Variants in PCCA observed in about 807,000 individuals in gnomAD.
The protein encoded by PCCA is propionyl-CoA carboxylase alpha chain, mitochondrial.
PCCA carries 74 observed loss-of-function variants against 101.3 expected under a neutral mutation model. That is an observed-to-expected ratio of 0.73 (90% CI 0.61 to 0.89). The LOEUF is 0.89. Among genes scored for constraint, PCCA ranks in the 40% least tolerant of loss-of-function variants. The probability of loss-of-function intolerance (pLI) is 0.00; values close to 1 mark genes in which losing one functional copy is unlikely to be tolerated. For missense variants in PCCA, 891 were observed against 907.0 expected, an observed-to-expected ratio of 0.98 and a Z score of 0.23; for synonymous variants, 294 against 313.6, an observed-to-expected ratio of 0.94 and a Z score of 0.66.
intron 18 of PCCA, among the ~76,000 whole-genome samples, chr13:100,353,315 T>C (rs916500534): frequency 6.6e-6 from 1 of 152,198 alleles, no homozygotes; most frequent in African/African-American, 2.4e-5. Flanking sequence ...AACAGCAGAA[T>C]ATACCTGTCT....
In PCCA at chr13:100,217,221, T is replaced by C. The variant is rs528301478; in HGVS notation, c.600+7758T>C. Among the ~76,000 whole-genome samples the C allele has an allele frequency of 4.0e-3, 612 of 151,966 alleles. 5 individuals are homozygous for C. Among genetic ancestry groups the C allele is most frequent in the Middle Eastern group, 0.01 (3 of 294 alleles). Reference sequence around the variant, plus strand: ...CAGCACTTTGGGAGGCCGAGGTGGGTGGATCATGAGGTCAGGAGTTCGAGA... The same window carrying C: ...CAGCACTTTGGGAGGCCGAGGTGGGCGGATCATGAGGTCAGGAGTTCGAGA... On this transcript the variant is annotated intron_variant, in intron 7 of 23. Coordinates refer to ENST00000376285, the MANE Select transcript of PCCA (RefSeq NM_000282.4).
At chr13:100,506,237 G>A (rs1306174677) in intron 21 of PCCA, among the ~76,000 whole-genome samples, 1 of 151,960 alleles carries the variant, frequency 6.6e-6, no homozygotes, top group Non-Finnish European at 1.5e-5. Flanking sequence ...CGTGTGTTCT[G>A]TACACAGCAC....
At chr13:100,401,227 T>C (rs1485299713) in intron 19 of PCCA, among the ~76,000 whole-genome samples, 1 of 152,142 alleles carries the variant, frequency 6.6e-6, no homozygotes, top group East Asian at 1.9e-4. Flanking sequence ...TTTAACTGTT[T>C]TTTTGTTGTT....
At chr13:100,348,789 T>TCTTTTTC (rs2072776806) in intron 18 of PCCA, among the ~76,000 whole-genome samples, 1 of 56,772 alleles carries the variant, frequency 1.8e-5, no homozygotes, top group Non-Finnish European at 3.8e-5. Context: ...TCTTTCTTTC[T>TCTTTTTC]TCCTTCCTTC....
intron 12 of PCCA, among the ~76,000 whole-genome samples, chr13:100,291,782 C>A (rs911309748): frequency 6.6e-6 from 1 of 152,174 alleles, no homozygotes; most frequent in African/African-American, 2.4e-5. Context: ...TACTTGGATT[C>A]CTGGGCAAAG....
chr13:100,526,832 G>C (rs1594155613), intron 22 of PCCA, among the ~76,000 whole-genome samples: 2 of 152,380 alleles, frequency 1.3e-5, no homozygotes, highest in East Asian at 3.9e-4. Flanking sequence ...GCTTAACCCA[G>C]CTCAGCCTGG....
At chr13:100,248,928 A>G (rs1332561151) in intron 8 of PCCA, among the ~76,000 whole-genome samples, 2 of 149,206 alleles carry the variant, frequency 1.3e-5, no homozygotes, top group Non-Finnish European at 3.0e-5. Flanking sequence ...TTTTTTTTGT[A>G]CTTGTAGTAG....
intron 19 of PCCA, among the ~76,000 whole-genome samples, chr13:100,416,713 CG>C (rs2078392477): frequency 1.3e-5 from 2 of 151,398 alleles, no homozygotes; most frequent in Non-Finnish European, 2.9e-5. Flanking sequence ...TTAGTAGAGA[CG>C]GGGTTTCACC....
intron 7 of PCCA, among the ~76,000 whole-genome samples, chr13:100,223,776 T>C (rs1245999662): frequency 6.6e-6 from 1 of 152,010 alleles, no homozygotes; most frequent in African/African-American, 2.4e-5. Flanking sequence ...GACACAAAGG[T>C]TCTCCACATC....
intron 21 of PCCA, among the ~76,000 whole-genome samples, chr13:100,458,421 GCGCACACACACACACACATA>G (rs1419485576): frequency 2.6e-4 from 26 of 98,858 alleles, no homozygotes; most frequent in African/African-American, 1.2e-3. Context: ...CCATCTCTGC[GCGCACACACACACACACATA>G]CACACACACA....
At chr13:100,492,578 A>G (rs1248333575) in intron 21 of PCCA, among the ~76,000 whole-genome samples, 3 of 151,738 alleles carry the variant, frequency 2.0e-5, no homozygotes, top group African/African-American at 7.3e-5. Flanking sequence ...TACTGGGTAG[A>G]AGAGGGTGGT....
At chr13:100,425,349 G>A (rs1423382594) in intron 19 of PCCA, among the ~76,000 whole-genome samples, 1 of 151,064 alleles carries the variant, frequency 6.6e-6, no homozygotes, top group Non-Finnish European at 1.5e-5. Flanking sequence ...AGTAAATGTA[G>A]CATGTCCAGA....
intron 18 of PCCA, among the ~76,000 whole-genome samples, chr13:100,352,399 CTTT>C (rs67318662): frequency 2.1e-4 from 28 of 134,522 alleles, no homozygotes; most frequent in Non-Finnish European, 1.8e-4. Flanking sequence ...ACAAAATAGC[CTTT>C]TTTTTTTTTT....
chr13:100,337,036 C>T (rs1218209339), intron 17 of PCCA, among the ~76,000 whole-genome samples: 2 of 152,090 alleles, frequency 1.3e-5, no homozygotes, highest in Non-Finnish European at 2.9e-5. Context: ...GAGGGTAAAC[C>T]AAGTGTCAGA....
intron 10 of PCCA, among the ~76,000 whole-genome samples, chr13:100,267,547 TC>T (rs1171766225): frequency 1.3e-5 from 2 of 152,214 alleles, no homozygotes; most frequent in African/African-American, 4.8e-5. Context: ...AATGACTTGT[TC>T]AGAGAAGTTG....
At chr13:100,456,542 G>GCA in intron 21 of PCCA, among the ~76,000 whole-genome samples, 1 of 152,324 alleles carries the variant, frequency 6.6e-6, no homozygotes, top group Non-Finnish European at 1.5e-5. Context: ...GGCGCGCTGA[G>GCA]TACAAGACCA....
At chr13:100,396,818 G>A (rs975471496) in intron 19 of PCCA, among the ~76,000 whole-genome samples, 3 of 152,002 alleles carry the variant, frequency 2.0e-5, no homozygotes, top group Non-Finnish European at 4.4e-5. Context: ...GGTCATCATC[G>A]TGTCTTGGTG....
intron 21 of PCCA, among the ~76,000 whole-genome samples, chr13:100,467,339 T>C (rs1174542006): frequency 6.6e-6 from 1 of 152,174 alleles, no homozygotes; most frequent in African/African-American, 2.4e-5. Context: ...CTCTGCTTCC[T>C]GAGCCAGTTA....
chr13:100,480,917 C>T (rs2083859104), intron 21 of PCCA: 3 of 152,238 alleles, frequency 2.0e-5, no homozygotes. Context: ...ACGGGGGATC[C>T]ATGTCAAAAT....
Sources: gnomAD v4.1 joint callset for allele counts (sites outside exome capture counted in the v4.1 genomes callset) on GRCh38, gnomAD v4.1.1 for gene constraint, MANE v1.5 for transcripts, NCBI Gene and HGNC (gene_info 2026-07-23, HGNC 2026-07-21) for gene names.